The following SNX12 variants were observed in gnomAD, a reference collection of about 807,000 sequenced individuals.
SNX12 encodes sorting nexin 12, also known as sorting nexin-12.
For missense variants in SNX12, 62 were observed against 141.3 expected, an observed-to-expected ratio of 0.44 and a Z score of 2.84; for synonymous variants, 47 against 56.0, an observed-to-expected ratio of 0.84 and a Z score of 0.71.
At chrX:71,071,597 A>ATATATTATATATAATATATAATAAT (rs1569477479), upstream of SNX12, among the ~76,000 whole-genome samples, 3 of 49,116 alleles carry the variant, frequency 6.1e-5, no homozygotes, top group African/African-American at 2.7e-4. Context: ...TATAATATTT[A>ATATATTATATATAATATATAATAAT]TATATATTAT....
intron 1 of SNX12, 55 bp downstream of exon 1, chrX:71,068,086 CT>C: frequency 9.1e-7 from 1 of 1,094,126 alleles, no homozygotes; most frequent in Admixed American, 2.6e-5. Context: ...TCCCTCCCCC[CT>C]CCCGCTCGCG....
chrX:71,062,368 CTT>C (rs761195647), intron 2 of SNX12, among the ~76,000 whole-genome samples: 5 of 71,398 alleles, frequency 7.0e-5, no homozygotes, highest in Non-Finnish European at 1.3e-4. Context: ...TTACCACTTT[CTT>C]TTTTTTTTTT....
At chrX:71,073,035 T>C (rs78837358), upstream of SNX12, among the ~76,000 whole-genome samples, 32 of 89,919 alleles carry the variant, frequency 3.6e-4, no homozygotes, top group South Asian at 1.9e-3. Context: ...TTATCACACA[T>C]ACACACACAC....
intron 1 of SNX12, among the ~76,000 whole-genome samples, chrX:71,063,687 G>A (rs937670411): frequency 5.4e-5 from 6 of 110,294 alleles, no homozygotes; most frequent in Admixed American, 3.9e-4. Context: ...GCCGAGGCAA[G>A]GGATCACCTG....
upstream of SNX12, chrX:71,068,453 A>G (rs1402289978): frequency 2.1e-5 from 9 of 423,311 alleles, no homozygotes; most frequent in Non-Finnish European, 3.1e-5. Context: ...ACGCACGCGC[A>G]CGCCGCACGG....
At chrX:71,067,954 G>A (rs1415218093) in intron 1 of SNX12, among the ~76,000 whole-genome samples, 188 bp downstream of exon 1, 5 of 110,450 alleles carry the variant, frequency 4.5e-5, no homozygotes, top group African/African-American at 1.7e-4. Context: ...TCTCCCTCAG[G>A]AGTTTTCTGC....
intron 2 of SNX12, 96 bp from the exon 3 acceptor site, chrX:71,062,063 G>A: frequency 1.2e-6 from 1 of 831,995 alleles, no homozygotes. Flanking sequence ...TTAGGCATAG[G>A]GTCCATCCTG....
rs1338811935 is a variant in SNX12, at chrX:71,060,679, T to A, written c.*337A>T. Reference sequence around the variant, plus strand: ...CCTGAACTTGCAGCATCAGTATGTATCCAAGTGCCTCACCAGCACAAGCGC... The same window carrying A: ...CCTGAACTTGCAGCATCAGTATGTAACCAAGTGCCTCACCAGCACAAGCGC... On this transcript the variant is annotated 3_prime_UTR_variant, in exon 4 of 4. Coordinates refer to ENST00000374274, the MANE Select transcript of SNX12 (RefSeq NM_013346.4). 3.9e-6 allele frequency: 1 copy of A among 257,455 alleles called. No homozygotes were observed. 21.2% of individuals were successfully genotyped at this position (257,455 alleles called of 1,213,427 possible).
In SNX12 at chrX:71,059,385, G is replaced by A. The variant is rs908840125; in HGVS notation, c.*1631C>T. The A allele has an allele frequency of 9.0e-6, 1 of 111,496 alleles. No homozygotes were observed. The highest frequency in any genetic ancestry group is 3.3e-5 in the African/African-American group (1 of 30,616). The allele number at this position is 111,496 out of a possible 1,213,427, so 9.2% of individuals were successfully genotyped here. A position where few individuals can be genotyped will look rare whatever the true frequency, so the allele number is the denominator to read the frequency against. On this transcript the variant is annotated 3_prime_UTR_variant, in exon 4 of 4. Coordinates refer to ENST00000374274, the MANE Select transcript of SNX12 (RefSeq NM_013346.4). ...GGGGCCTCAGACTCTCAGCACTTGT[G>A]CACAATGAAAGAGGAAATCGTTTTT...
chrX:71,067,058 T>C (rs1454683567), intron 1 of SNX12, among the ~76,000 whole-genome samples: 1 of 112,493 alleles, frequency 8.9e-6, no homozygotes, highest in East Asian at 2.8e-4. Context: ...ACAGAGAATA[T>C]TCTGGCCTTT....
At chrX:71,065,357 C>A (rs867900859) in intron 1 of SNX12, among the ~76,000 whole-genome samples, 316 of 55,626 alleles carry the variant, frequency 5.7e-3, no homozygotes, top group Middle Eastern at 0.013. Context: ...GACTTTGTCT[C>A]AAAAAAAAAA....
upstream of SNX12, among the ~76,000 whole-genome samples, chrX:71,071,741 T>G (rs1431973989): frequency 7.6e-5 from 6 of 78,692 alleles, no homozygotes; most frequent in African/African-American, 1.0e-4. Flanking sequence ...TATATATTTA[T>G]ATATATAAAT....
chrX:71,071,667 A>T (rs1354073759), upstream of SNX12, among the ~76,000 whole-genome samples: 2 of 56,585 alleles, frequency 3.5e-5, no homozygotes. Context: ...ATATATAATT[A>T]TTTATATATA....
At position 71,063,028 on chromosome X, in the gene SNX12, G is replaced by C. The variant is rs1054018400; in HGVS notation, c.166-79C>G. On this transcript the variant is annotated intron_variant, in intron 1 of 3. Coordinates refer to ENST00000374274, the MANE Select transcript of SNX12 (RefSeq NM_013346.4). ...GCCACCTGTCTGAGTAACTTGGACAGGTCCCAATGAAGAAATAGCTCCTAT... is the reference window on the plus strand; with the variant it reads ...GCCACCTGTCTGAGTAACTTGGACACGTCCCAATGAAGAAATAGCTCCTAT... 4.8e-6 allele frequency: 3 copies of C among 629,192 alleles called. No individual in the cohort carries two copies. In the Admixed American group the frequency reaches 8.1e-5, roughly 17 times the overall value. The allele number at this position is 629,192 out of a possible 1,213,427, so 51.9% of individuals were successfully genotyped here.
At chrX:71,069,436 A>C (rs142253747), upstream of SNX12, among the ~76,000 whole-genome samples, 462 of 112,720 alleles carry the variant, frequency 4.1e-3, 8 homozygotes, top group Admixed American at 0.04. Flanking sequence ...CAAGGAGTTA[A>C]CATTCTAGCA....
At position 71,060,165 on chromosome X, in the gene SNX12, T is replaced by G; in HGVS notation, c.*851A>C. On this transcript the variant is annotated 3_prime_UTR_variant, in exon 4 of 4. Coordinates refer to ENST00000374274, the MANE Select transcript of SNX12 (RefSeq NM_013346.4). ...TAATCCACTCCCACCCTTCAGGGAG[T>G]TACCTGGCAGTGGTGAGTTGCCCCC... The G allele has an allele frequency of 9.0e-6, 1 of 111,506 alleles. No individual in the cohort carries two copies. The highest frequency in any genetic ancestry group is 1.9e-5 in the Non-Finnish European group (1 of 53,105). 9.2% of individuals were successfully genotyped at this position (111,506 alleles called of 1,213,427 possible).
chrX:71,069,969 AGAGAG>A (rs1351679754), upstream of SNX12, among the ~76,000 whole-genome samples: 2 of 54,496 alleles, frequency 3.7e-5, no homozygotes, highest in Non-Finnish European at 7.0e-5. Flanking sequence ...GGAAAAGAAA[AGAGAG>A]AGAGAGAGAG....
upstream of SNX12, chrX:71,068,457 C>T (rs369752885): frequency 2.9e-4 from 117 of 405,013 alleles, 4 homozygotes; most frequent in East Asian, 1.8e-3. Flanking sequence ...ACGCGCACGC[C>T]GCACGGGCCT....
At chrX:71,070,233 A>T (rs1473214393), upstream of SNX12, among the ~76,000 whole-genome samples, 1 of 111,814 alleles carries the variant, frequency 8.9e-6, no homozygotes, top group African/African-American at 3.2e-5. Context: ...ATACATGATC[A>T]GATTTATGTT....
Sources: allele counts gnomAD v4.1 joint callset (sites outside exome capture counted in the v4.1 genomes callset), GRCh38; gene constraint gnomAD v4.1.1; transcripts MANE v1.5; gene names NCBI Gene and HGNC (gene_info 2026-07-23, HGNC 2026-07-21).